Variants in IGDCC3 observed in about 807,000 individuals in gnomAD.
IGDCC3 encodes immunoglobulin superfamily DCC subclass member 3.
In IGDCC3, 47 loss-of-function variants were observed where a neutral mutation model predicts 72.0. The observed-to-expected ratio is 0.65, with a 90% CI of 0.52 to 0.83. IGDCC3 has a LOEUF of 0.83. Ranked by LOEUF, IGDCC3 falls within the 40% of genes least tolerant of loss-of-function variation. The pLI is 0.00. For missense variants in IGDCC3, 1,038 were observed against 1,091.3 expected (o/e 0.95, Z 0.69); for synonymous variants, 477 against 472.8 (o/e 1.01, Z -0.11).
In IGDCC3 at chr15:65,375,128, C is replaced by T. The variant is rs2091350031; in HGVS notation, c.378G>A (p.Val126=). ...CTTGGATGCGAGCCTTCCGGCTGAC[C>T]ACCAGCCCAAAGCGGTTCTGGGCCA... ...ECVAQNRFGL[V]VSRKARIQAA... The change falls in exon 2 of 14, where the codon GTG becomes GTA. Residue 126 remains valine (V), a synonymous_variant. Transcript: ENST00000327987. The T allele has an allele frequency of 6.2e-7, 1 of 1,613,786 alleles. No homozygotes were observed. Among genetic ancestry groups the T allele is most frequent in the South Asian group, 1.1e-5 (1 of 91,060 alleles).
chr15:65,335,157 A>T, intron 4 of IGDCC3, 134 bp downstream of exon 4: 1 of 991,150 alleles, frequency 1.0e-6, no homozygotes. Context: ...CACGCCAGGC[A>T]GCACAGAGCC....
intron 2 of IGDCC3, among the ~76,000 whole-genome samples, chr15:65,368,016 T>C (rs996256786): frequency 2.6e-5 from 4 of 152,144 alleles, no homozygotes; most frequent in Admixed American, 2.6e-4. Flanking sequence ...ACATTTTTGG[T>C]GGAATCACTC....
chr15:65,350,799 C>A (rs1298926193), intron 2 of IGDCC3, among the ~76,000 whole-genome samples: 1 of 152,108 alleles, frequency 6.6e-6, no homozygotes, highest in Non-Finnish European at 1.5e-5. Flanking sequence ...CCTGGTGTGT[C>A]CTGGGCGAGG....
intron 2 of IGDCC3, among the ~76,000 whole-genome samples, chr15:65,350,352 G>A (rs2091162969): frequency 6.6e-6 from 1 of 151,620 alleles, no homozygotes; most frequent in Non-Finnish European, 1.5e-5. Context: ...GCTGGTCTCT[G>A]AACTCCTGAC....
rs751610687 is a variant in IGDCC3 at position 65,329,026 on chromosome 15, G to A, written c.2328C>T (p.Cys776=). Residue 776 remains cysteine (C), a synonymous_variant, in exon 14 of 14, where the codon TGC becomes TGT. Transcript: ENST00000327987. The surrounding 1 kb of genome is among the most constrained non-coding windows in gnomAD (Gnocchi z 4.1). ...GTGGTGGGGCAGCCGCCAGGCCGGC[G>A]CAGGGAGCCGTGGCCTCTGTGGTCT... is the stretch of plus-strand genomic sequence containing the variant. ...EAKTTEATAP[C]AGLAAAPPPP... 17 of 1,612,250 alleles carry A rather than the reference G, an allele frequency of 1.1e-5. No individual in the cohort carries two copies. The highest frequency in any genetic ancestry group is 1.7e-4 in the Middle Eastern group (1 of 6,042).
chr15:65,331,505 C>T lies in IGDCC3; in HGVS notation c.1303G>A (p.Val435Met), dbSNP rs148656626. Residue 435 changes from valine to methionine, a missense_variant, in exon 8 of 14, where the codon GTG becomes ATG. Val to Met is a conservative substitution (Grantham distance 21). Coordinates refer to ENST00000327987, the MANE Select transcript of IGDCC3 (RefSeq NM_004884.4). ...GACACACGCACCTCAGTGGAAGACA[C>T]AGAGACTGCCCGCACATTGCGGGGA... The part of the protein sequence containing the change: ...GPPRNVRAVS[V>M]SSTEVRVSWS... 1.1e-4 allele frequency: 175 copies of T among 1,613,862 alleles called. No individual in the cohort carries two copies. In the African/African-American group the frequency reaches 1.8e-3, roughly 17 times the overall value.
intron 2 of IGDCC3, among the ~76,000 whole-genome samples, chr15:65,362,467 A>G (rs1440688361): frequency 6.6e-6 from 1 of 150,726 alleles, no homozygotes; most frequent in Non-Finnish European, 1.5e-5. Flanking sequence ...TATCCCCTCC[A>G]AGCCAGGCAC....
intron 2 of IGDCC3, among the ~76,000 whole-genome samples, chr15:65,347,670 C>G (rs575086218): frequency 6.6e-6 from 1 of 152,340 alleles, no homozygotes; most frequent in South Asian, 2.1e-4. Context: ...GTGGCTCACG[C>G]CTGTAATCCC....
intron 2 of IGDCC3, among the ~76,000 whole-genome samples, chr15:65,359,579 G>C (rs2091247718): frequency 6.6e-6 from 1 of 152,148 alleles, no homozygotes; most frequent in South Asian, 2.1e-4. Flanking sequence ...GTACTTAGTA[G>C]TGGCACCTGT....
At chr15:65,370,895 AT>A (rs1161350590) in intron 2 of IGDCC3, among the ~76,000 whole-genome samples, 19 of 152,186 alleles carry the variant, frequency 1.2e-4, no homozygotes, top group African/African-American at 3.9e-4. Context: ...AAGTGCTGGG[AT>A]TTACAGGCAT....
rs1595753554 is a variant in IGDCC3, at chr15:65,339,402, A to G, written c.410-3446T>C. Among the ~76,000 whole-genome samples the G allele has an allele frequency of 6.6e-6, 1 of 152,182 alleles. No individual in the cohort carries two copies. The highest frequency in any genetic ancestry group is 1.5e-5 in the Non-Finnish European group (1 of 68,038). On this transcript the variant is annotated intron_variant, in intron 2 of 13. Transcript: ENST00000327987. The surrounding 1 kb of genome is among the most constrained non-coding windows in gnomAD (Gnocchi z 4.1). ...GCCAATTTTTGTATTTCTTATAGAGACAGGGTCTCCCTACGTTGCCCGGAC... is the reference window on the plus strand; with the variant it reads ...GCCAATTTTTGTATTTCTTATAGAGGCAGGGTCTCCCTACGTTGCCCGGAC...
chr15:65,334,895 T>G, intron 4 of IGDCC3, 30 bp from the exon 5 acceptor site: 2 of 1,596,846 alleles, frequency 1.3e-6, no homozygotes, highest in Non-Finnish European at 1.7e-6. Context: ...TATCCTCACT[T>G]CAGCTGGGGA....
At chr15:65,344,151 G>T (rs1595755772) in intron 2 of IGDCC3, among the ~76,000 whole-genome samples, 1 of 152,222 alleles carries the variant, frequency 6.6e-6, no homozygotes, top group African/African-American at 2.4e-5. Context: ...CGGGGAGGCT[G>T]TGTGGCATCT....
At chr15:65,370,515 A>AATAT (rs60597969) in intron 2 of IGDCC3, among the ~76,000 whole-genome samples, 11 of 71,252 alleles carry the variant, frequency 1.5e-4, no homozygotes, top group African/African-American at 3.5e-4. Flanking sequence ...TCAAAAAAAA[A>AATAT]ATATATATAT....
At chr15:65,370,618 GTGTATATATA>G (rs1206953635) in intron 2 of IGDCC3, among the ~76,000 whole-genome samples, 4 of 56,872 alleles carry the variant, frequency 7.0e-5, no homozygotes, top group South Asian at 6.2e-4. Context: ...ATATATGTAT[GTGTATATATA>G]TATATATATA....
intron 2 of IGDCC3, among the ~76,000 whole-genome samples, chr15:65,346,166 G>C (rs1171331499): frequency 2.0e-5 from 3 of 152,194 alleles, no homozygotes; most frequent in Non-Finnish European, 4.4e-5. Context: ...TGATAAGGTG[G>C]TGTTATCACC....
At position 65,329,841 on chromosome 15, in the gene IGDCC3, G is replaced by A. The variant is rs761346589; in HGVS notation, c.1882C>T (p.Arg628Trp). Reference sequence around the variant, plus strand: ...GTCTGGTTGGCGGCCTCCTCCTTCCGGCAGTCACATGGTGGGCTCAAGGCT... The same window carrying A: ...GTCTGGTTGGCGGCCTCCTCCTTCCAGCAGTCACATGGTGGGCTCAAGGCT... ...RTALSPPCDC[R>W]KEEAANQTST... The change falls in exon 12 of 14, where the codon CGG (arginine) becomes TGG (tryptophan). Residue 628 changes from arginine to tryptophan, a missense_variant. Coordinates refer to ENST00000327987, the MANE Select transcript of IGDCC3 (RefSeq NM_004884.4). The surrounding 1 kb of genome is among the most constrained non-coding windows in gnomAD (Gnocchi z 4.1). 31 of 1,613,888 alleles carry A rather than the reference G, an allele frequency of 1.9e-5. No individual in the cohort carries two copies. The highest frequency in any genetic ancestry group is 1.1e-4 in the South Asian group (10 of 91,086).
rs2090965140 is a variant in IGDCC3, at chr15:65,330,354, C to A, written c.1797G>T (p.Gln599His). The A allele has an allele frequency of 6.2e-7, 1 of 1,614,154 alleles. No individual in the cohort carries two copies. Among genetic ancestry groups the A allele is most frequent in the Non-Finnish European group, 8.5e-7 (1 of 1,180,002 alleles). The change falls in exon 11 of 14, where the codon CAG (glutamine) becomes CAT (histidine). Residue 599 changes from glutamine to histidine, a missense_variant. Transcript: ENST00000327987. ...VYEVKLLAYN[Q>H]HGDGNATVRF... ...GGACTGTGGCATTGCCATCTCCATG[C>A]TGGTTGTAGGCGAGCAGCTTCACCT...
At chr15:65,345,383 G>A (rs1375744310) in intron 2 of IGDCC3, among the ~76,000 whole-genome samples, 2 of 152,034 alleles carry the variant, frequency 1.3e-5, no homozygotes, top group African/African-American at 4.8e-5. Context: ...GTGAAATCCC[G>A]TCTCTACAAA....
Sources: allele counts gnomAD v4.1 joint callset (sites outside exome capture counted in the v4.1 genomes callset), GRCh38; gene constraint gnomAD v4.1.1; non-coding constraint Gnocchi (gnomAD v3.1); transcripts MANE v1.5; gene names NCBI Gene and HGNC (gene_info 2026-07-23, HGNC 2026-07-21).